The following SLIT3 variants were observed in gnomAD, a reference collection of about 807,000 sequenced individuals.
The protein encoded by SLIT3 is slit homolog 3 protein.
Under a neutral mutation model 184.0 loss-of-function variants are expected in SLIT3, and 68 were observed. The observed-to-expected ratio is 0.37, with a 90% CI of 0.30 to 0.45. The LOEUF is 0.45. Ranked by LOEUF, SLIT3 falls within the 20% of genes least tolerant of loss-of-function variation. SLIT3 has a pLI of 1.00. For synonymous variants in SLIT3, 831 were observed against 828.6 expected (o/e 1.00, Z -0.05); for missense variants, 1,707 against 2,026.0 (o/e 0.84, Z 3.02).
chr5:168,822,655 G>A (rs1757570741), intron 7 of SLIT3, among the ~76,000 whole-genome samples: 1 of 152,184 alleles, frequency 6.6e-6, no homozygotes, highest in African/African-American at 2.4e-5. Context: ...TGTTTCCTGA[G>A]TATGCACCCT....
chr5:168,735,928 A>C (rs941197928), intron 20 of SLIT3, among the ~76,000 whole-genome samples: 3 of 152,066 alleles, frequency 2.0e-5, no homozygotes, highest in African/African-American at 7.2e-5. Context: ...CCTCTTTGTC[A>C]TCCTATTTGC....
intron 1 of SLIT3, among the ~76,000 whole-genome samples, chr5:169,279,322 A>C (rs575705279): frequency 1.3e-5 from 2 of 152,314 alleles, no homozygotes; most frequent in East Asian, 3.9e-4. Context: ...GATGCTACTT[A>C]TTGAGCAAGG....
At chr5:169,056,746 G>C (rs886312034) in intron 4 of SLIT3, among the ~76,000 whole-genome samples, 1 of 152,210 alleles carries the variant, frequency 6.6e-6, no homozygotes, top group African/African-American at 2.4e-5. Context: ...AAGAGACAAG[G>C]GAGCAGATTG....
At chr5:168,910,316 C>T (rs1761211015) in intron 4 of SLIT3, among the ~76,000 whole-genome samples, 1 of 152,208 alleles carries the variant, frequency 6.6e-6, no homozygotes, top group Non-Finnish European at 1.5e-5. Context: ...TATTAGCTCA[C>T]TCCAGACATT....
chr5:168,926,435 T>C (rs1336933726), intron 4 of SLIT3, among the ~76,000 whole-genome samples: 2 of 152,208 alleles, frequency 1.3e-5, no homozygotes, highest in East Asian at 1.9e-4. Flanking sequence ...TTATTAATTA[T>C]TCAGATAACC....
At chr5:169,254,154 G>A (rs2113600031) in intron 1 of SLIT3, among the ~76,000 whole-genome samples, 1 of 152,326 alleles carries the variant, frequency 6.6e-6, no homozygotes, top group East Asian at 1.9e-4. Context: ...TGCATGCTTT[G>A]TAGGAGCTTT....
intron 14 of SLIT3, among the ~76,000 whole-genome samples, chr5:168,768,530 A>G (rs977734648): frequency 6.6e-6 from 1 of 152,130 alleles, no homozygotes. Flanking sequence ...AAGAAAGAAC[A>G]CTCAGACATC....
At chr5:169,160,570 A>G (rs1224693063) in intron 4 of SLIT3, among the ~76,000 whole-genome samples, 1 of 152,204 alleles carries the variant, frequency 6.6e-6, no homozygotes, top group Non-Finnish European at 1.5e-5. Context: ...GTTTGGACAT[A>G]ATTAAGCAAT....
At chr5:168,967,515 C>T (rs1763247827) in intron 4 of SLIT3, among the ~76,000 whole-genome samples, 1 of 107,598 alleles carries the variant, frequency 9.3e-6, no homozygotes, top group Non-Finnish European at 1.8e-5. Flanking sequence ...TCTCGGCTCA[C>T]TGCAAGCTCC....
intron 4 of SLIT3, among the ~76,000 whole-genome samples, chr5:169,162,209 T>TG (rs1280151788): frequency 1.3e-5 from 2 of 152,066 alleles, no homozygotes; most frequent in East Asian, 3.9e-4. Context: ...ATCCTCAAAG[T>TG]GGGGTCCAAG....
chr5:168,674,193 A>G (rs1761338933), intron 32 of SLIT3, among the ~76,000 whole-genome samples: 1 of 152,142 alleles, frequency 6.6e-6, no homozygotes, highest in South Asian at 2.1e-4. Flanking sequence ...ATGCTAGGTA[A>G]GTTTGTTATC....
chr5:168,735,718 T>C lies in SLIT3; in HGVS notation c.2271-11234A>G, dbSNP rs933675533. Among the ~76,000 whole-genome samples, 6 of 142,134 alleles carry C rather than the reference T, an allele frequency of 4.2e-5. No individual in the cohort carries two copies. The East Asian group carries it at 1.1e-3, about 25-fold the overall frequency. 93.2% of individuals were successfully genotyped at this position (142,134 alleles called of 152,430 possible). On this transcript the variant is annotated intron_variant, in intron 20 of 35. Coordinates refer to ENST00000519560, the MANE Select transcript of SLIT3 (RefSeq NM_003062.4). ...CACACACACACACATCTCCATCCAA[T>C]AATACACATAGCTTATTGAAAGATA...
intron 4 of SLIT3, among the ~76,000 whole-genome samples, chr5:169,017,524 C>G (rs555180809): frequency 6.6e-6 from 1 of 152,336 alleles, no homozygotes; most frequent in African/African-American, 2.4e-5. Flanking sequence ...GCCTGAGGAA[C>G]ATTCATAACA....
intron 4 of SLIT3, among the ~76,000 whole-genome samples, chr5:168,951,221 A>G (rs1762642418): frequency 1.3e-5 from 2 of 152,226 alleles, no homozygotes; most frequent in South Asian, 2.1e-4. Context: ...CTGTCTCAAA[A>G]CACGAAACAA....
intron 9 of SLIT3, among the ~76,000 whole-genome samples, chr5:168,802,941 C>T (rs899425762): frequency 6.6e-6 from 1 of 152,200 alleles, no homozygotes; most frequent in Non-Finnish European, 1.5e-5. Flanking sequence ...AGTTATCTGC[C>T]CATGGCTACA....
rs1363981488 is a variant in SLIT3, at chr5:168,665,851, C to CTTTTCCTGGAAGAACTGGGCA, written c.*582_*602dup. On this transcript the variant is annotated 3_prime_UTR_variant, in exon 36 of 36. Transcript: ENST00000519560. Reference sequence around the variant, plus strand: ...GACTGAGAAGGCCAGGGCTCAGCAGCTTTTCCTGGAAGAACTGGGCATTTT... The same window carrying CTTTTCCTGGAAGAACTGGGCA: ...GACTGAGAAGGCCAGGGCTCAGCAGCTTTTCCTGGAAGAACTGGGCATTTTCCTGGAAGAACTGGGCATTTT... The CTTTTCCTGGAAGAACTGGGCA allele has an allele frequency of 6.6e-6, 1 of 152,144 alleles. No homozygotes were observed. The highest frequency in any genetic ancestry group is 2.4e-5 in the African/African-American group (1 of 41,364). The allele number at this position is 152,144 out of a possible 1,614,324, so 9.4% of individuals were successfully genotyped here.
In SLIT3 at chr5:168,880,361, T is replaced by G. The variant is rs1759906009; in HGVS notation, c.485+2904A>C. ...CTCTCCAGCAACCGGCTTCCACCTC[T>G]CTTTCTAACCCAATCACACACTCTT... On this transcript the variant is annotated intron_variant, in intron 5 of 35. Coordinates refer to ENST00000519560, the MANE Select transcript of SLIT3 (RefSeq NM_003062.4). 3.3e-5 allele frequency among the ~76,000 whole-genome samples: 5 copies of G among 152,158 alleles called. No individual in the cohort carries two copies. The South Asian group carries it at 1.0e-3, about 32-fold the overall frequency.
rs1187757410 is a variant in SLIT3, at chr5:169,254,880, A to G, written c.198-3421T>C. ...TATAACTTATGAGAAACTCTAAGCCAGAATCGCCCAGCTGAATGAACCACT... is the reference window on the plus strand; with the variant it reads ...TATAACTTATGAGAAACTCTAAGCCGGAATCGCCCAGCTGAATGAACCACT... On this transcript the variant is annotated intron_variant, in intron 1 of 35. Coordinates refer to ENST00000519560, the MANE Select transcript of SLIT3 (RefSeq NM_003062.4). Among the ~76,000 whole-genome samples, 4 of 152,258 alleles carry G rather than the reference A, an allele frequency of 2.6e-5. No individual in the cohort carries two copies. The East Asian group carries it at 7.7e-4, about 29-fold the overall frequency.
At chr5:169,299,576 C>A (rs1036716868) in intron 1 of SLIT3, among the ~76,000 whole-genome samples, 3 of 152,196 alleles carry the variant, frequency 2.0e-5, no homozygotes, top group South Asian at 2.1e-4. Flanking sequence ...GTTTCTCCCC[C>A]ACTCCCTTAC....
Sources: allele counts gnomAD v4.1 joint callset (sites outside exome capture counted in the v4.1 genomes callset), GRCh38; gene constraint gnomAD v4.1.1; transcripts MANE v1.5; gene names NCBI Gene and HGNC (gene_info 2026-07-23, HGNC 2026-07-21).